The following E4F1 variants were observed in gnomAD, a reference collection of about 807,000 sequenced individuals.
E4F1 encodes the protein E4F transcription factor 1, also known as transcription factor E4F1.
Under a neutral mutation model 72.9 loss-of-function variants are expected in E4F1, and 30 were observed. The ratio of observed to expected loss-of-function variants is 0.41; its 90% CI spans 0.31 to 0.56. The LOEUF (loss-of-function observed/expected upper bound fraction) is 0.56. E4F1 is among the 20% of genes least tolerant of loss of function. The pLI is 0.25. For missense variants in E4F1, 1,091 were observed against 1,117.5 expected, an observed-to-expected ratio of 0.98 and a Z score of 0.34; for synonymous variants, 542 against 478.2, an observed-to-expected ratio of 1.13 and a Z score of -1.74.
At chr16:2,234,505 C>A (rs777376815) in intron 10 of E4F1, 78 bp from the exon 11 acceptor site, 4 of 1,560,012 alleles carry the variant, frequency 2.6e-6, no homozygotes, top group Non-Finnish European at 3.5e-6. Context: ...CAGCCCCTCC[C>A]TTGGGCCACA....
intron 6 of E4F1, 41 bp downstream of exon 6, chr16:2,232,949 C>A: frequency 6.2e-7 from 1 of 1,612,334 alleles, no homozygotes; most frequent in East Asian, 2.2e-5. Flanking sequence ...TGGGGGCTGG[C>A]TGTGGACGCA....
intron 8 of E4F1, 73 bp downstream of exon 8, chr16:2,233,720 C>A: frequency 6.7e-7 from 1 of 1,485,126 alleles, no homozygotes; most frequent in Non-Finnish European, 9.0e-7. Flanking sequence ...TGGCCTTCGC[C>A]TCCCTGAAGT....
In E4F1 at chr16:2,234,172, G is replaced by A. The variant is rs1474820660; in HGVS notation, c.1377G>A (p.Gly459=). The A allele has an allele frequency of 2.5e-6, 4 of 1,611,066 alleles. No homozygotes were observed. The highest frequency in any genetic ancestry group is 1.1e-5 in the South Asian group (1 of 91,014). Residue 459 remains glycine, a splice_region_variant and synonymous_variant, in exon 10 of 14, where the codon GGG becomes GGA. Transcript: ENST00000301727. ...TLEAHKRGHT[G]PRPFACAQCG... ...GCCTGATGCTGTGTGTGGCTGCAGG[G>A]CCGAGGCCGTTCGCCTGCGCGCAGT...
At chr16:2,226,252 T>C (rs2093432194) in intron 1 of E4F1, among the ~76,000 whole-genome samples, 1 of 152,222 alleles carries the variant, frequency 6.6e-6, no homozygotes, top group South Asian at 2.1e-4. Context: ...AGTGCCCTCA[T>C]GGCGAGGAGT....
rs1467510368 is a variant in E4F1, at chr16:2,234,645, C to T, written c.1656C>T (p.Cys552=). 2 of 1,600,400 alleles carry T rather than the reference C, an allele frequency of 1.2e-6. No homozygotes were observed. Among genetic ancestry groups the T allele is most frequent in the African/African-American group, 1.3e-5 (1 of 74,844 alleles). Residue 552 remains cysteine (C), a synonymous_variant, in exon 11 of 14, where the codon TGC becomes TGT. Transcript: ENST00000301727. ...LEEKPHVCQF[C]SRGFREKGSL... is the part of the protein sequence containing the mutation. ...AGAAGCCGCACGTGTGCCAGTTCTG[C>T]AGCCGTGGCTTCCGAGAGAAGGGCT...
intron 3 of E4F1, 67 bp from the exon 4 acceptor site, chr16:2,232,104 G>C: frequency 6.3e-7 from 1 of 1,583,294 alleles, no homozygotes; most frequent in Non-Finnish European, 8.5e-7. Context: ...CTCCCCTGGA[G>C]CCAGCAGTCT....
chr16:2,224,241 G>A (rs1463667822), intron 1 of E4F1, among the ~76,000 whole-genome samples: 1 of 152,218 alleles, frequency 6.6e-6, no homozygotes, highest in African/African-American at 2.4e-5. Flanking sequence ...GTGCAAGAGG[G>A]CTGGTGCACT....
intron 1 of E4F1, among the ~76,000 whole-genome samples, chr16:2,226,663 T>G (rs30985): frequency 1.3e-5 from 2 of 152,364 alleles, no homozygotes; most frequent in South Asian, 2.1e-4. Context: ...TGTAAACAGG[T>G]ACTGTCCCTG....
chr16:2,232,031 G>A (rs1307318994), intron 3 of E4F1, 140 bp from the exon 4 acceptor site: 1 of 1,047,400 alleles, frequency 9.5e-7, no homozygotes, highest in African/African-American at 1.6e-5. Flanking sequence ...CTGTTGCTCG[G>A]ACCTGTGTGT....
intron 8 of E4F1, 111 bp downstream of exon 8, chr16:2,233,758 A>G: frequency 7.0e-7 from 1 of 1,429,844 alleles, no homozygotes; most frequent in South Asian, 1.3e-5. Flanking sequence ...TTGTCCATTG[A>G]TCTGTTTACT....
At position 2,235,101 on chromosome 16, in the gene E4F1, G is replaced by A; in HGVS notation, c.1956G>A (p.Glu652=). The A allele has an allele frequency of 2.5e-6, 4 of 1,612,494 alleles. No homozygotes were observed. The highest frequency in any genetic ancestry group is 3.4e-6 in the Non-Finnish European group (4 of 1,179,946). Residue 652 remains glutamate, a synonymous_variant, in exon 13 of 14, where the codon GAG becomes GAA. Coordinates refer to ENST00000301727, the MANE Select transcript of E4F1 (RefSeq NM_004424.5). Reference sequence around the variant, plus strand: ...CCCAGGCCACTGCGGACGATGCGGAGACCAGTGAGGCCACGGAGATCATCG... The same window carrying A: ...CCCAGGCCACTGCGGACGATGCGGAAACCAGTGAGGCCACGGAGATCATCG... ...YIIEATADDA[E]TSEATEIIEG...
rs374700250 is a variant in E4F1, at chr16:2,234,924, G to A, written c.1858G>A (p.Val620Ile). ...SEDSPAAATTVLTEDPHTVLV... is the reference protein window; with the variant it reads ...SEDSPAAATTILTEDPHTVLV... ...GGACAGCCCCGCGGCAGCCACCACC[G>A]TCCTCACGGAAGACCCGCACACAGT... The change falls in exon 12 of 14, where the codon GTC becomes ATC. Residue 620 changes from valine to isoleucine, a missense_variant. Transcript: ENST00000301727. 24 of 1,560,144 alleles carry A rather than the reference G, an allele frequency of 1.5e-5. No individual in the cohort carries two copies. Among genetic ancestry groups the A allele is most frequent in the African/African-American group, 8.2e-5 (6 of 73,570 alleles).
chr16:2,235,013 G>C lies in E4F1; in HGVS notation c.1935+12G>C, dbSNP rs538432324. On this transcript the variant is annotated intron_variant, in intron 12 of 13. Transcript: ENST00000301727. ...AGTATATCATCGAGGTGGGTGTGGG[G>C]CCCTGGGGCCGTGCTGGGACCCAGG... is the stretch of plus-strand genomic sequence containing the variant. 1 of 1,611,760 alleles carries C rather than the reference G, an allele frequency of 6.2e-7. No homozygotes were observed. Among genetic ancestry groups the C allele is most frequent in the Non-Finnish European group, 8.5e-7 (1 of 1,179,466 alleles).
Position 2,235,074 on chromosome 16 carries a change from T to C in E4F1, c.1936-7T>C. 6.2e-7 allele frequency: 1 copy of C among 1,612,264 alleles called. No individual in the cohort carries two copies. The highest frequency in any genetic ancestry group is 8.5e-7 in the Non-Finnish European group (1 of 1,179,788). On this transcript the variant is annotated splice_polypyrimidine_tract_variant and splice_region_variant and intron_variant, in intron 12 of 13. Coordinates refer to ENST00000301727, the MANE Select transcript of E4F1 (RefSeq NM_004424.5). The stretch of plus-strand genomic sequence containing the variant: ...GCTGACCTCTGTCCTTCTGCCCATC[T>C]GCCCAGGCCACTGCGGACGATGCGG...
Position 2,235,361 on chromosome 16 carries a change from C to T in E4F1, c.2144C>T (p.Thr715Ile), listed in dbSNP as rs775396942. 1.2e-6 allele frequency: 2 copies of T among 1,609,744 alleles called. No homozygotes were observed. The highest frequency in any genetic ancestry group is 1.7e-6 in the Non-Finnish European group (2 of 1,179,898). Residue 715 changes from threonine to isoleucine, a missense_variant, in exon 14 of 14, where the codon ACC (threonine) becomes ATC (isoleucine). Thr to Ile is a moderately conservative substitution (Grantham distance 89). This residue lies in a region of E4F1 where 622 missense variants were observed against 628.0 expected (regional missense o/e 0.99). Coordinates refer to ENST00000301727, the MANE Select transcript of E4F1 (RefSeq NM_004424.5). The part of the protein sequence containing the change: ...AAAADTITIA[T>I]PESLTEQVAM... The stretch of plus-strand genomic sequence containing the variant: ...GCCGCCGACACCATCACCATCGCCA[C>T]CCCCGAGAGCCTGACAGAGCAGGTG...
chr16:2,234,319 C>A lies in E4F1; in HGVS notation c.1524C>A (p.Gly508=). The change falls in exon 10 of 14, where the codon GGC becomes GGA. Residue 508 remains glycine, a synonymous_variant. Transcript: ENST00000301727. The part of the protein sequence containing the change: ...KLYKTIAHVR[G]HRRVHSDERP... ...ACAAGACCATTGCCCATGTGCGTGG[C>A]CACCGGCGCGTCCACTCAGACGAGC... 1 of 1,612,986 alleles carries A rather than the reference C, an allele frequency of 6.2e-7. No individual in the cohort carries two copies. The highest frequency in any genetic ancestry group is 8.5e-7 in the Non-Finnish European group (1 of 1,179,998).
At position 2,234,286 on chromosome 16, in the gene E4F1, G is replaced by A; in HGVS notation, c.1491G>A (p.Gly497=). Residue 497 remains glycine (G), a synonymous_variant, in exon 10 of 14, where the codon GGG becomes GGA. Coordinates refer to ENST00000301727, the MANE Select transcript of E4F1 (RefSeq NM_004424.5). Reference sequence around the variant, plus strand: ...GCCGCTTCCGCTGTGGCGACTGCGGGAAGCTCTACAAGACCATTGCCCATG... The same window carrying A: ...GCCGCTTCCGCTGTGGCGACTGCGGAAAGCTCTACAAGACCATTGCCCATG... The part of the protein sequence containing the change: ...RERRFRCGDC[G]KLYKTIAHVR... 6.2e-7 allele frequency: 1 copy of A among 1,612,996 alleles called. No homozygotes were observed. Among genetic ancestry groups the A allele is most frequent in the Non-Finnish European group, 8.5e-7 (1 of 1,179,996 alleles).
chr16:2,232,408 C>T, intron 4 of E4F1, 44 bp downstream of exon 4: 2 of 1,602,914 alleles, frequency 1.2e-6, no homozygotes, highest in Non-Finnish European at 1.7e-6. Flanking sequence ...GGCAGGCCCC[C>T]TCCTGTTCCC....
In E4F1 at chr16:2,234,193, G is replaced by T. The variant is rs757711242; in HGVS notation, c.1398G>T (p.Ala466=). The T allele has an allele frequency of 1.9e-6, 3 of 1,612,354 alleles. No individual in the cohort carries two copies. The highest frequency in any genetic ancestry group is 2.2e-5 in the South Asian group (2 of 91,076). Residue 466 remains alanine, a synonymous_variant, in exon 10 of 14, where the codon GCG becomes GCT. Transcript: ENST00000301727. The part of the protein sequence containing the change: ...GHTGPRPFAC[A]QCGKAFPKAY... ...CAGGGCCGAGGCCGTTCGCCTGCGC[G>T]CAGTGTGGCAAGGCCTTCCCCAAGG... is the stretch of plus-strand genomic sequence containing the variant.
Sources: gnomAD v4.1 joint callset for allele counts (sites outside exome capture counted in the v4.1 genomes callset) on GRCh38, gnomAD v4.1.1 for gene constraint, gnomAD v4.1.1 regional missense constraint, MANE v1.5 for transcripts, NCBI Gene and HGNC (gene_info 2026-07-23, HGNC 2026-07-21) for gene names.